GH2: variants seen among roughly 807,000 people sequenced by gnomAD.
GH2 encodes the protein growth hormone variant.
GH2 carries 17 observed loss-of-function variants against 24.1 expected under a neutral mutation model. That is an observed-to-expected ratio of 0.71 (90% CI 0.48 to 1.06). GH2 has a LOEUF of 1.06. Ranked by LOEUF, GH2 falls within the 50% of genes least tolerant of loss-of-function variation. GH2 has a pLI of 0.00. For synonymous variants in GH2, 126 were observed against 118.7 expected (o/e 1.06, Z -0.40); for missense variants, 305 against 273.1 (o/e 1.12, Z -0.82).
In GH2 at chr17:63,881,805, C is replaced by G. The variant is rs759619410; in HGVS notation, c.-4G>C. ...AGGGGCGCTTACCTGCAGCCATTGC[C>G]GCTAGGTGAGCTGTCCACAGGACCC... On this transcript the variant is annotated 5_prime_UTR_variant, in exon 1 of 5. Coordinates refer to ENST00000423893, the MANE Select transcript of GH2 (RefSeq NM_002059.5). The G allele has an allele frequency of 1.3e-4, 203 of 1,613,466 alleles. 1 individual carries two copies. In the Admixed American group the frequency reaches 1.5e-3, roughly 12 times the overall value.
At chr17:63,881,259 A>G in intron 2 of GH2, 100 bp downstream of exon 2, 1 of 1,611,572 alleles carries the variant, frequency 6.2e-7, no homozygotes, top group Non-Finnish European at 8.5e-7. Flanking sequence ...CACTTCAGAA[A>G]ACAACCCTGA....
chr17:63,880,459 A>G lies in GH2; in HGVS notation c.516T>C (p.Phe172=). The G allele has an allele frequency of 5.0e-6, 8 of 1,613,800 alleles. No individual in the cohort carries two copies. Among genetic ancestry groups the G allele is most frequent in the Non-Finnish European group, 6.8e-6 (8 of 1,179,762 alleles). ...CGTCATCGTTGTGCGATTTTGTGTC[A>G]AACTTGCTGTAGGACTGATTGAAGA... ...GQIFNQSYSK[F]DTKSHNDDAL... is the part of the protein sequence containing the mutation. The change falls in exon 5 of 5, where the codon TTT becomes TTC. Residue 172 remains phenylalanine (F), a synonymous_variant. Coordinates refer to ENST00000423893, the MANE Select transcript of GH2 (RefSeq NM_002059.5).
In GH2 at chr17:63,880,392, C is replaced by T; in HGVS notation, c.583G>A (p.Asp195Asn). 6.2e-7 allele frequency: 1 copy of T among 1,613,796 alleles called. No individual in the cohort carries two copies. The highest frequency in any genetic ancestry group is 1.1e-5 in the South Asian group (1 of 91,066). ...AGGAATGTCTCGACCTTGTCCATGTCCTTCCTGAAGCAGTAGAGCAGCCCG... is the reference window on the plus strand; with the variant it reads ...AGGAATGTCTCGACCTTGTCCATGTTCTTCCTGAAGCAGTAGAGCAGCCCG... ...NYGLLYCFRK[D>N]MDKVETFLRI... The change falls in exon 5 of 5, where the codon GAC becomes AAC. Residue 195 changes from aspartate to asparagine, a missense_variant. Coordinates refer to ENST00000423893, the MANE Select transcript of GH2 (RefSeq NM_002059.5).
At chr17:63,881,734 G>C in intron 1 of GH2, 58 bp downstream of exon 1, 1 of 1,612,094 alleles carries the variant, frequency 6.2e-7, no homozygotes, top group Non-Finnish European at 8.5e-7. Flanking sequence ...CCCATCTACA[G>C]GACGCCGCCT....
chr17:63,881,753 A>G, intron 1 of GH2, 39 bp downstream of exon 1: 1 of 1,612,468 alleles, frequency 6.2e-7, no homozygotes, highest in Non-Finnish European at 8.5e-7. Flanking sequence ...CTCTCCCCTC[A>G]GGACACATTG....
At position 63,881,405 on chromosome 17, in the gene GH2, C is replaced by G; in HGVS notation, c.125G>C (p.Arg42Pro). The change falls in exon 2 of 5, where the codon CGC (arginine) becomes CCC (proline). Residue 42 changes from arginine to proline, a missense_variant. Transcript: ENST00000423893. ...LSRLFDNAML[R>P]ARRLYQLAYD... ...TGCCAGCTGGTACAGGCGACGGGCG[C>G]GGAGCATAGCGTTGTCAAAAAGCCT... The G allele has an allele frequency of 6.2e-7, 1 of 1,613,996 alleles. No individual in the cohort carries two copies. Among genetic ancestry groups the G allele is most frequent in the East Asian group, 2.2e-5 (1 of 44,878 alleles).
In GH2 at chr17:63,881,442, T is replaced by C; in HGVS notation, c.88A>G (p.Ile30Val). ...TTGTCAAAAAGCCTGGATAAGGGAA[T>C]GGTTGGGAAGGCACTGCCCTCTTGA... ...WLQEGSAFPTIPLSRLFDNAM... is the reference protein window; with the variant it reads ...WLQEGSAFPTVPLSRLFDNAM... Residue 30 changes from isoleucine (I) to valine (V), a missense_variant, in exon 2 of 5, where the codon ATT (isoleucine) becomes GTT (valine). Coordinates refer to ENST00000423893, the MANE Select transcript of GH2 (RefSeq NM_002059.5). The C allele has an allele frequency of 6.2e-7, 1 of 1,613,846 alleles. No individual in the cohort carries two copies. Among genetic ancestry groups the C allele is most frequent in the South Asian group, 1.1e-5 (1 of 91,062 alleles).
chr17:63,881,919 C>T lies in GH2; in HGVS notation c.-118G>A, dbSNP rs1427906326. On this transcript the variant is annotated 5_prime_UTR_variant, in exon 1 of 5. Coordinates refer to ENST00000423893, the MANE Select transcript of GH2 (RefSeq NM_002059.5). ...CCTGGCCCCTTCTCTCTCGCTGCTT[C>T]TCCTCACCTGTTTCTCTGCATGTTT... 1.2e-6 allele frequency: 2 copies of T among 1,603,818 alleles called. No individual in the cohort carries two copies. Among genetic ancestry groups the T allele is most frequent in the Admixed American group, 1.7e-5 (1 of 58,242 alleles).
At position 63,880,390 on chromosome 17, in the gene GH2, G is replaced by A. The variant is rs1905421901; in HGVS notation, c.585C>T (p.Asp195=). The change falls in exon 5 of 5, where the codon GAC becomes GAT. Residue 195 remains aspartate (D), a synonymous_variant. Transcript: ENST00000423893. The part of the protein sequence containing the change: ...NYGLLYCFRK[D]MDKVETFLRI... ...GCAGGAATGTCTCGACCTTGTCCAT[G>A]TCCTTCCTGAAGCAGTAGAGCAGCC... The A allele has an allele frequency of 6.2e-7, 1 of 1,613,700 alleles. No homozygotes were observed. Among genetic ancestry groups the A allele is most frequent in the African/African-American group, 1.3e-5 (1 of 74,892 alleles).
chr17:63,881,656 C>T (rs532409110), intron 1 of GH2, 136 bp downstream of exon 1: 1 of 1,607,122 alleles, frequency 6.2e-7, no homozygotes, highest in South Asian at 1.1e-5. Context: ...CAGAGATTGG[C>T]CAAATACTGG....
chr17:63,880,816 G>C lies in GH2; in HGVS notation c.412C>G (p.Arg138Gly). Residue 138 changes from arginine (R) to glycine (G), a missense_variant, in exon 4 of 5, where the codon CGC (arginine) becomes GGC (glycine). Coordinates refer to ENST00000423893, the MANE Select transcript of GH2 (RefSeq NM_002059.5). Reference protein sequence around the residue: ...VYGASDSNVYRHLKDLEEGIQ... With the variant: ...VYGASDSNVYGHLKDLEEGIQ... ...CCTTCCTCTAGGTCCTTCAGGTGGC[G>C]ATAGACGTTGCTGTCCGAGGCGCCA... 6.2e-7 allele frequency: 1 copy of C among 1,614,088 alleles called. No homozygotes were observed. Among genetic ancestry groups the C allele is most frequent in the Non-Finnish European group, 8.5e-7 (1 of 1,179,960 alleles).
chr17:63,880,456 G>C lies in GH2; in HGVS notation c.519C>G (p.Asp173Glu). The C allele has an allele frequency of 1.9e-6, 3 of 1,613,810 alleles. No individual in the cohort carries two copies. Among genetic ancestry groups the C allele is most frequent in the Non-Finnish European group, 2.5e-6 (3 of 1,179,768 alleles). Residue 173 changes from aspartate to glutamate, a missense_variant, in exon 5 of 5, where the codon GAC (aspartate) becomes GAG (glutamate). Transcript: ENST00000423893. The part of the protein sequence containing the change: ...QIFNQSYSKF[D>E]TKSHNDDALL... The stretch of plus-strand genomic sequence containing the variant: ...GTGCGTCATCGTTGTGCGATTTTGT[G>C]TCAAACTTGCTGTAGGACTGATTGA...
intron 1 of GH2, 124 bp downstream of exon 1, chr17:63,881,668 C>G: frequency 6.2e-7 from 1 of 1,608,596 alleles, no homozygotes; most frequent in Admixed American, 1.7e-5. Context: ...AAATACTGGG[C>G]TTAGATGGCG....
rs758272707 is a variant in GH2 at position 63,880,467 on chromosome 17, T to C, written c.508A>G (p.Ser170Gly). Reference protein sequence around the residue: ...RTGQIFNQSYSKFDTKSHNDD... With the variant: ...RTGQIFNQSYGKFDTKSHNDD... ...TTGTGCGATTTTGTGTCAAACTTGCTGTAGGACTGATTGAAGATCTGCCCA... is the reference window on the plus strand; with the variant it reads ...TTGTGCGATTTTGTGTCAAACTTGCCGTAGGACTGATTGAAGATCTGCCCA... The change falls in exon 5 of 5, where the codon AGC (serine) becomes GGC (glycine). Residue 170 changes from serine to glycine, a missense_variant. Coordinates refer to ENST00000423893, the MANE Select transcript of GH2 (RefSeq NM_002059.5). The C allele has an allele frequency of 6.2e-6, 10 of 1,613,748 alleles. No individual in the cohort carries two copies. Among genetic ancestry groups the C allele is most frequent in the Non-Finnish European group, 8.5e-6 (10 of 1,179,698 alleles).
At chr17:63,881,196 A>C in intron 2 of GH2, 48 bp from the exon 3 acceptor site, 1 of 1,613,950 alleles carries the variant, frequency 6.2e-7, no homozygotes, top group South Asian at 1.1e-5. Flanking sequence ...ACCAGCTCCC[A>C]TTGTTACTTT....
rs776337871 is a variant in GH2, at chr17:63,881,339, C to A, written c.171+20G>T. On this transcript the variant is annotated intron_variant, in intron 2 of 4. Transcript: ENST00000423893. ...CCCTTCCTGCCACCTCTGAAGCGCA[C>A]CCATTACCCAAGAGCTTACAAACTC... The A allele has an allele frequency of 6.2e-7, 1 of 1,613,856 alleles. No homozygotes were observed. The highest frequency in any genetic ancestry group is 2.2e-5 in the East Asian group (1 of 44,882).
rs199921493 is a variant in GH2, at chr17:63,880,832, C to A, written c.396G>T (p.Ser132=). 2.5e-6 allele frequency: 4 copies of A among 1,614,016 alleles called. No individual in the cohort carries two copies. Among genetic ancestry groups the A allele is most frequent in the African/African-American group, 1.3e-5 (1 of 75,030 alleles). ...VFANSLVYGA[S]DSNVYRHLKD... The stretch of plus-strand genomic sequence containing the variant: ...TCAGGTGGCGATAGACGTTGCTGTC[C>A]GAGGCGCCATACACCAGGCTGTTGG... Residue 132 remains serine (S), a synonymous_variant, in exon 4 of 5, where the codon TCG becomes TCT. Coordinates refer to ENST00000423893, the MANE Select transcript of GH2 (RefSeq NM_002059.5).
Position 63,880,497 on chromosome 17 carries a change from G to A in GH2, c.478C>T (p.Arg160Trp), listed in dbSNP as rs771557060. 9 of 1,613,642 alleles carry A rather than the reference G, an allele frequency of 5.6e-6. No homozygotes were observed. Among genetic ancestry groups the A allele is most frequent in the East Asian group, 2.2e-5 (1 of 44,900 alleles). The change falls in exon 5 of 5, where the codon CGG becomes TGG. Residue 160 changes from arginine (R) to tryptophan (W), a missense_variant. Transcript: ENST00000423893. ...GACTGATTGAAGATCTGCCCAGTCC[G>A]GGGGCTGCCATCTTCCAGCCTCTGC... Reference protein sequence around the residue: ...LMWRLEDGSPRTGQIFNQSYS... With the variant: ...LMWRLEDGSPWTGQIFNQSYS...
rs762920259 is a variant in GH2, at chr17:63,880,526, G to A, written c.457-8C>T. 1 of 1,613,700 alleles carries A rather than the reference G, an allele frequency of 6.2e-7. No homozygotes were observed. The highest frequency in any genetic ancestry group is 1.3e-5 in the African/African-American group (1 of 74,882). ...GCTGCCATCTTCCAGCCTCTGCAAA[G>A]TGAAGGAAGAGAAGGAGAGGCCAAG... On this transcript the variant is annotated splice_region_variant and splice_polypyrimidine_tract_variant and intron_variant, in intron 4 of 4. Coordinates refer to ENST00000423893, the MANE Select transcript of GH2 (RefSeq NM_002059.5).
Sources: gnomAD v4.1 joint callset for allele counts on GRCh38, gnomAD v4.1.1 for gene constraint, MANE v1.5 for transcripts, NCBI Gene and HGNC (gene_info 2026-07-23, HGNC 2026-07-21) for gene names.